The following CACNA1C variants were observed in gnomAD, a reference collection of about 807,000 sequenced individuals.
The protein encoded by CACNA1C is calcium voltage-gated channel subunit alpha1 C, also known as voltage-dependent L-type calcium channel subunit alpha-1C.
In CACNA1C, 30 loss-of-function variants were observed where a neutral mutation model predicts 229.0. The ratio of observed to expected loss-of-function variants is 0.13; its 90% CI spans 0.10 to 0.18. The LOEUF is 0.18. Among genes scored for constraint, CACNA1C ranks in the 10% least tolerant of loss-of-function variants. The pLI, the probability that CACNA1C is intolerant of heterozygous loss-of-function variation, is 1.00. For synonymous variants in CACNA1C, 1,114 were observed against 1,132.5 expected, an observed-to-expected ratio of 0.98 and a Z score of 0.33; for missense variants, 1,658 against 2,845.0, an observed-to-expected ratio of 0.58 and a Z score of 9.49.
At chr12:2,296,722 A>G (rs2094077101) in intron 3 of CACNA1C, among the ~76,000 whole-genome samples, 1 of 152,232 alleles carries the variant, frequency 6.6e-6, no homozygotes, top group Non-Finnish European at 1.5e-5. Flanking sequence ...AAGGGAACCA[A>G]AGTAGTACCA....
rs1338461652 is a variant in CACNA1C at position 2,494,425 on chromosome 12, G to A, written c.1113+1039G>A. On this transcript the variant is annotated intron_variant, in intron 7 of 46. Transcript: ENST00000399655. ...CTGAGAAATGACTTGCCAGAATCCA[G>A]TGTTGTTCTCCAGAATTTGGGCGAA... Among the ~76,000 whole-genome samples the A allele has an allele frequency of 3.9e-5, 6 of 152,314 alleles. No individual in the cohort carries two copies. In the South Asian group the frequency reaches 6.2e-4, roughly 16 times the overall value.
chr12:2,277,273 G>T, intron 3 of CACNA1C, among the ~76,000 whole-genome samples: 1 of 151,422 alleles, frequency 6.6e-6, no homozygotes, highest in Admixed American at 6.6e-5. Context: ...TCTTATAGTT[G>T]TTTCTAGCAA....
At chr12:2,470,786 T>C (rs1363759519) in intron 5 of CACNA1C, among the ~76,000 whole-genome samples, 1 of 152,176 alleles carries the variant, frequency 6.6e-6, no homozygotes, top group African/African-American at 2.4e-5. Context: ...ACTCCCTATC[T>C]GTCTACCTCA....
chr12:2,668,938 G>A lies in CACNA1C; in HGVS notation c.4629G>A (p.Leu1543=), dbSNP rs2096394166. Residue 1543 remains leucine (L), a synonymous_variant, in exon 38 of 47, where the codon CTG becomes CTA. Coordinates refer to ENST00000399655, the MANE Select transcript of CACNA1C (RefSeq NM_000719.7). ...LCPHRVACKR[L]VSMNMPLNSD... Reference sequence around the variant, plus strand: ...TTGCTTCTCTTCGCCTGCAGCGCCTGGTCTCCATGAACATGCCTCTGAACA... The same window carrying A: ...TTGCTTCTCTTCGCCTGCAGCGCCTAGTCTCCATGAACATGCCTCTGAACA... 6.2e-7 allele frequency: 1 copy of A among 1,613,282 alleles called. No individual in the cohort carries two copies. Among genetic ancestry groups the A allele is most frequent in the Non-Finnish European group, 8.5e-7 (1 of 1,179,280 alleles).
At chr12:2,009,619 T>C (rs1481780117) in intron 1 of CACNA1C, among the ~76,000 whole-genome samples, 1 of 152,242 alleles carries the variant, frequency 6.6e-6, no homozygotes, top group African/African-American at 2.4e-5. Flanking sequence ...TCTGATGCTA[T>C]GCTTTTGCCA....
At chr12:2,631,313 G>A (rs770162918) in intron 29 of CACNA1C, among the ~76,000 whole-genome samples, 3 of 152,048 alleles carry the variant, frequency 2.0e-5, no homozygotes, top group Non-Finnish European at 4.4e-5. Context: ...TTTCTTGCAC[G>A]CTTTCTAGGC....
chr12:1,987,009 T>C (rs1303338375), intron 1 of CACNA1C, among the ~76,000 whole-genome samples: 3 of 152,014 alleles, frequency 2.0e-5, no homozygotes, highest in Non-Finnish European at 4.4e-5. Context: ...GAAGTGGGGA[T>C]AGAACGAAGG....
At chr12:2,206,354 A>G (rs750531908) in intron 3 of CACNA1C, among the ~76,000 whole-genome samples, 3 of 152,220 alleles carry the variant, frequency 2.0e-5, no homozygotes, top group Non-Finnish European at 4.4e-5. Context: ...ATGGCAGAGC[A>G]TGGGAAGTGG....
At position 2,504,422 on chromosome 12, in the gene CACNA1C, CT is replaced by C; in HGVS notation, c.1114-418del. On this transcript the variant is annotated intron_variant, in intron 7 of 46. Transcript: ENST00000399655. This position sits in a 1 kb window ranked among gnomAD's most constrained non-coding sequence, Gnocchi z 6.8. ...TTCTGCTTCTTCTTTCCTAACTTTC[CT>C]TCGTCTTTCCAGATGCAGGACGCTA... is the stretch of plus-strand genomic sequence containing the variant. The C allele has an allele frequency of 6.6e-7, 1 of 1,505,226 alleles. No individual in the cohort carries two copies. Among genetic ancestry groups the C allele is most frequent in the Non-Finnish European group, 9.2e-7 (1 of 1,081,338 alleles). The allele number at this position is 1,505,226 out of a possible 1,614,324, so 93.2% of individuals were successfully genotyped here.
chr12:2,140,387 C>T (rs1046444027), intron 3 of CACNA1C, among the ~76,000 whole-genome samples: 2 of 151,340 alleles, frequency 1.3e-5, no homozygotes, highest in East Asian at 3.8e-4. Context: ...ATAGAAGGCA[C>T]TCGATGAGTA....
chr12:2,539,043 C>A (rs2099862606), intron 9 of CACNA1C, among the ~76,000 whole-genome samples: 1 of 152,236 alleles, frequency 6.6e-6, no homozygotes. Context: ...ACCTGTCATT[C>A]TCTGCCATTT....
Position 2,602,100 on chromosome 12 carries a change from G to A in CACNA1C, c.2960+140G>A. ...GGGTGGGGCCTCCAAAGCTGTGCATGGTGGCTTTGGGTTCTTGGTTCTGTG... is the reference window on the plus strand; with the variant it reads ...GGGTGGGGCCTCCAAAGCTGTGCATAGTGGCTTTGGGTTCTTGGTTCTGTG... On this transcript the variant is annotated intron_variant, in intron 22 of 46. Transcript: ENST00000399655. The surrounding 1 kb of genome is among the most constrained non-coding windows in gnomAD (Gnocchi z 4.4). 1.6e-6 allele frequency: 1 copy of A among 639,206 alleles called. No individual in the cohort carries two copies. The highest frequency in any genetic ancestry group is 2.8e-6 in the Non-Finnish European group (1 of 351,708). 39.6% of individuals were successfully genotyped at this position (639,206 alleles called of 1,614,324 possible). A position where few individuals can be genotyped will look rare whatever the true frequency, so the allele number is the denominator to read the frequency against.
At chr12:2,580,477 G>T (rs2060101969) in intron 13 of CACNA1C, among the ~76,000 whole-genome samples, 1 of 152,200 alleles carries the variant, frequency 6.6e-6, no homozygotes, top group African/African-American at 2.4e-5. Context: ...TCAAGGGAGT[G>T]ACCTAGGAGG....
intron 5 of CACNA1C, among the ~76,000 whole-genome samples, chr12:2,461,915 A>G (rs1315115566): frequency 1.3e-5 from 2 of 151,882 alleles, no homozygotes; most frequent in African/African-American, 4.8e-5. Context: ...CATGGCCCGG[A>G]CCTAACACGG....
At chr12:2,155,731 G>A (rs992545635) in intron 3 of CACNA1C, among the ~76,000 whole-genome samples, 2 of 152,126 alleles carry the variant, frequency 1.3e-5, no homozygotes, top group African/African-American at 4.8e-5. Flanking sequence ...GCGAAAACGG[G>A]CACTTAGACT....
At chr12:2,351,161 T>C (rs1260727867) in intron 3 of CACNA1C, among the ~76,000 whole-genome samples, 1 of 152,214 alleles carries the variant, frequency 6.6e-6, no homozygotes, top group East Asian at 1.9e-4. Flanking sequence ...GGCCTGTGCA[T>C]GGTAGGATGT....
At chr12:2,263,749 G>A (rs898843834) in intron 3 of CACNA1C, among the ~76,000 whole-genome samples, 7 of 152,118 alleles carry the variant, frequency 4.6e-5, no homozygotes, top group Non-Finnish European at 1.0e-4. Context: ...CTTGGCTTGA[G>A]TGAATGGAAG....
intron 3 of CACNA1C, among the ~76,000 whole-genome samples, chr12:2,177,944 A>G (rs1000751173): frequency 6.6e-6 from 1 of 152,076 alleles, no homozygotes; most frequent in African/African-American, 2.4e-5. Context: ...GCTGATTTCC[A>G]GTGTTTCTAT....
intron 1 of CACNA1C, among the ~76,000 whole-genome samples, chr12:2,083,215 G>C (rs1221931350): frequency 1.3e-5 from 2 of 152,248 alleles, no homozygotes; most frequent in African/African-American, 4.8e-5. Context: ...TAAACTGTCA[G>C]TGTTAAAAGG....
Sources: gnomAD v4.1 joint callset for allele counts (sites outside exome capture counted in the v4.1 genomes callset) on GRCh38, gnomAD v4.1.1 for gene constraint, Gnocchi (gnomAD v3.1) non-coding constraint, MANE v1.5 for transcripts, NCBI Gene and HGNC (gene_info 2026-07-23, HGNC 2026-07-21) for gene names.